Variants in PAPPA observed in about 807,000 individuals in gnomAD.
PAPPA encodes the protein pappalysin 1.
A neutral mutation model predicts 164.0 loss-of-function variants in PAPPA; 60 were observed. That is an observed-to-expected ratio of 0.37 (90% CI 0.30 to 0.45). The LOEUF is 0.45. Among genes scored for constraint, PAPPA ranks in the 20% least tolerant of loss-of-function variants. PAPPA has a pLI of 1.00. For missense variants in PAPPA, 1,782 were observed against 2,087.3 expected (o/e 0.85, Z 2.85); for synonymous variants, 875 against 814.1 (o/e 1.07, Z -1.27).
rs559875964 is a variant in PAPPA at position 116,395,281 on chromosome 9, G to A, written c.4777-1228G>A. 2.0e-5 allele frequency among the ~76,000 whole-genome samples: 3 copies of A among 152,298 alleles called. No homozygotes were observed. The South Asian group carries it at 6.2e-4, about 32-fold the overall frequency. Reference sequence around the variant, plus strand: ...ATTGCAAACTTTCAGGATGGAGAGAGGTTGGGAGGGAGGGAAAGAGGTCAA... The same window carrying A: ...ATTGCAAACTTTCAGGATGGAGAGAAGTTGGGAGGGAGGGAAAGAGGTCAA... On this transcript the variant is annotated intron_variant, in intron 21 of 21. Coordinates refer to ENST00000328252, the MANE Select transcript of PAPPA (RefSeq NM_002581.5).
intron 6 of PAPPA, among the ~76,000 whole-genome samples, chr9:116,232,706 T>A (rs971492921): frequency 2.6e-5 from 4 of 152,210 alleles, no homozygotes; most frequent in Non-Finnish European, 4.4e-5. Context: ...ATTAATGAGG[T>A]TGCTGCTTTG....
At chr9:116,327,020 G>C (rs942761149) in intron 10 of PAPPA, among the ~76,000 whole-genome samples, 2 of 152,170 alleles carry the variant, frequency 1.3e-5, no homozygotes, top group South Asian at 4.1e-4. Context: ...TGGCTATCAT[G>C]AATAATACTG....
chr9:116,368,070 G>A (rs1035909278), intron 19 of PAPPA, among the ~76,000 whole-genome samples: 3 of 152,204 alleles, frequency 2.0e-5, no homozygotes, highest in African/African-American at 7.2e-5. Flanking sequence ...AACAGAGGTA[G>A]GGAGCATAGA....
In PAPPA at chr9:116,192,255, T is replaced by G. The variant is rs568874759; in HGVS notation, c.1478+4039T>G. 2.0e-5 allele frequency among the ~76,000 whole-genome samples: 3 copies of G among 152,184 alleles called. No homozygotes were observed. The South Asian group carries it at 6.2e-4, about 32-fold the overall frequency. On this transcript the variant is annotated intron_variant, in intron 2 of 21. Coordinates refer to ENST00000328252, the MANE Select transcript of PAPPA (RefSeq NM_002581.5). Reference sequence around the variant, plus strand: ...TGGACCTGCATTAGCAAGCAGAGAATGTCCAGAGCCTAGAGACAGCCAGCC... The same window carrying G: ...TGGACCTGCATTAGCAAGCAGAGAAGGTCCAGAGCCTAGAGACAGCCAGCC...
At chr9:116,186,246 C>A (rs1462198662) in intron 1 of PAPPA, among the ~76,000 whole-genome samples, 2 of 146,762 alleles carry the variant, frequency 1.4e-5, no homozygotes, top group African/African-American at 2.5e-5. Context: ...GTATCTATAT[C>A]TATATATCTA....
rs528367115 is a variant in PAPPA, at chr9:116,300,847, A to G, written c.2954-1910A>G. 8.0e-5 allele frequency among the ~76,000 whole-genome samples: 6 copies of G among 74,770 alleles called. No individual in the cohort carries two copies. In the East Asian group the frequency reaches 1.8e-3, roughly 22 times the overall value. 49.1% of individuals were successfully genotyped at this position (74,770 alleles called of 152,430 possible). A position where few individuals can be genotyped will look rare whatever the true frequency, so the allele number is the denominator to read the frequency against. ...AGAAGCAAATCAACCCATTAAAAGA[A>G]GAGTATTTTTTTTTTCTCTCGATGA... is the stretch of plus-strand genomic sequence containing the variant. On this transcript the variant is annotated intron_variant, in intron 9 of 21. Coordinates refer to ENST00000328252, the MANE Select transcript of PAPPA (RefSeq NM_002581.5).
chr9:116,382,622 CTTTT>C (rs958468474), intron 21 of PAPPA, 129 bp downstream of exon 21: 44 of 616,132 alleles, frequency 7.1e-5, no homozygotes, highest in Non-Finnish European at 1.3e-4. Flanking sequence ...CGCTTTATTT[CTTTT>C]TTTAATTTTT....
At chr9:116,365,566 T>TTTTTTA (rs1554755536) in intron 18 of PAPPA, among the ~76,000 whole-genome samples, 4 of 137,938 alleles carry the variant, frequency 2.9e-5, no homozygotes, top group Non-Finnish European at 4.7e-5. Context: ...TTTTTTTTTT[T>TTTTTTA]CCTCTCTTGG....
At chr9:116,318,544 C>T (rs1162224291) in intron 10 of PAPPA, 3 of 152,086 alleles carry the variant, frequency 2.0e-5, no homozygotes, top group Admixed American at 1.3e-4. Flanking sequence ...CTGCCTCTCA[C>T]CCTGTAAGAA....
intron 2 of PAPPA, among the ~76,000 whole-genome samples, chr9:116,190,698 G>A (rs1214864350): frequency 6.6e-6 from 1 of 152,224 alleles, no homozygotes; most frequent in East Asian, 1.9e-4. Context: ...AGGGGCCATG[G>A]GGCCCCAGGT....
intron 4 of PAPPA, among the ~76,000 whole-genome samples, chr9:116,219,665 C>T (rs1844418220): frequency 6.6e-6 from 1 of 152,158 alleles, no homozygotes; most frequent in Non-Finnish European, 1.5e-5. Flanking sequence ...TTGCCGTGAC[C>T]TCTGGGCTGC....
chr9:116,261,374 GC>G (rs943128262), intron 7 of PAPPA, among the ~76,000 whole-genome samples: 3 of 152,138 alleles, frequency 2.0e-5, no homozygotes, highest in African/African-American at 7.2e-5. Flanking sequence ...TCTGGAAGAA[GC>G]AAAATGTGAT....
chr9:116,305,130 CACAG>C (rs1845628479), intron 10 of PAPPA, among the ~76,000 whole-genome samples: 1 of 125,248 alleles, frequency 8.0e-6, no homozygotes, highest in Non-Finnish European at 1.7e-5. Flanking sequence ...TACGTGGGCA[CACAG>C]ACACACACAC....
intron 1 of PAPPA, among the ~76,000 whole-genome samples, chr9:116,171,411 G>T (rs373111656): frequency 6.6e-6 from 1 of 152,182 alleles, no homozygotes; most frequent in East Asian, 1.9e-4. Context: ...TTAATACAGT[G>T]AGGTCTTTGT....
At chr9:116,328,734 C>T (rs142430999) in intron 10 of PAPPA, among the ~76,000 whole-genome samples, 1,639 of 152,252 alleles carry the variant, frequency 0.011, 12 homozygotes, top group Middle Eastern at 0.017. Context: ...CTAAGTAGAT[C>T]TTCTCTACAT....
chr9:116,311,083 A>G (rs1845712234), intron 10 of PAPPA, among the ~76,000 whole-genome samples: 1 of 147,854 alleles, frequency 6.8e-6, no homozygotes, highest in African/African-American at 2.5e-5. Context: ...TTTTTCTAAC[A>G]GAATAGTATT....
intron 10 of PAPPA, among the ~76,000 whole-genome samples, chr9:116,319,949 ACATAAGC>A (rs1845833712): frequency 1.3e-5 from 2 of 152,216 alleles, no homozygotes; most frequent in South Asian, 4.1e-4. Flanking sequence ...TAGGCCTCTA[ACATAAGC>A]TTTTCCCTTA....
chr9:116,323,184 C>A (rs1380157461), intron 10 of PAPPA, among the ~76,000 whole-genome samples: 1 of 152,156 alleles, frequency 6.6e-6, no homozygotes, highest in East Asian at 1.9e-4. Context: ...ATCGTTAACT[C>A]CTCTAATTGA....
chr9:116,345,764 TG>T (rs1457816540), intron 14 of PAPPA, among the ~76,000 whole-genome samples: 1 of 152,132 alleles, frequency 6.6e-6, no homozygotes, highest in African/African-American at 2.4e-5. Context: ...TGCGTGAGAT[TG>T]GTGGTAGTGA....
Sources: allele counts gnomAD v4.1 joint callset (sites outside exome capture counted in the v4.1 genomes callset), GRCh38; gene constraint gnomAD v4.1.1; transcripts MANE v1.5; gene names NCBI Gene and HGNC (gene_info 2026-07-23, HGNC 2026-07-21).